The following PDE2A variants were observed in gnomAD, a reference collection of about 807,000 sequenced individuals.
PDE2A encodes the protein cGMP-dependent 3',5'-cyclic phosphodiesterase.
Under a neutral mutation model 133.6 loss-of-function variants are expected in PDE2A, and 53 were observed. That is an observed-to-expected ratio of 0.40 (90% CI 0.32 to 0.50). The LOEUF is 0.50. PDE2A is among the 20% of genes least tolerant of loss of function. The pLI, the probability that PDE2A is intolerant of heterozygous loss-of-function variation, is 0.73. For synonymous variants in PDE2A, 491 were observed against 490.2 expected (o/e 1.00, Z -0.02); for missense variants, 796 against 1,232.4 (o/e 0.65, Z 5.30).
chr11:72,595,320 C>T (rs1428733057), intron 6 of PDE2A, among the ~76,000 whole-genome samples: 2 of 152,228 alleles, frequency 1.3e-5, no homozygotes, highest in Non-Finnish European at 2.9e-5. Flanking sequence ...CTCAGTGCCC[C>T]TCAAAGCTGA....
chr11:72,577,703 T>A, intron 30 of PDE2A, 109 bp from the exon 31 acceptor site: 1 of 765,302 alleles, frequency 1.3e-6, no homozygotes, highest in Non-Finnish European at 2.2e-6. Flanking sequence ...CCAGGTACGG[T>A]AGCTCACGCC....
intron 1 of PDE2A, among the ~76,000 whole-genome samples, chr11:72,648,016 T>C (rs1859175647): frequency 6.6e-6 from 1 of 152,196 alleles, no homozygotes; most frequent in Admixed American, 6.5e-5. Context: ...TGCAGGTATA[T>C]GTGTGCAGTG....
intron 1 of PDE2A, among the ~76,000 whole-genome samples, chr11:72,664,721 A>C (rs1855184458): frequency 6.6e-6 from 1 of 151,588 alleles, no homozygotes. Flanking sequence ...CGCCTCCTTA[A>C]ATAATCATTT....
At chr11:72,613,410 G>C (rs1198051377) in intron 2 of PDE2A, among the ~76,000 whole-genome samples, 1 of 151,618 alleles carries the variant, frequency 6.6e-6, no homozygotes, top group Non-Finnish European at 1.5e-5. Flanking sequence ...TAAAGGGAAG[G>C]GTCCTTCTAG....
At position 72,581,903 on chromosome 11, in the gene PDE2A, G is replaced by A. The variant is rs1304971837; in HGVS notation, c.1896C>T (p.Tyr632=). Residue 632 remains tyrosine, a synonymous_variant, in exon 22 of 31, where the codon TAC becomes TAT. Transcript: ENST00000334456. ...GGGCCAGGGTCGGGCAGTCAATTTT[G>A]TAGTTGTTGATGAAATTCATGTCCT... ...MLQDMNFINN[Y]KIDCPTLARF... The A allele has an allele frequency of 6.2e-7, 1 of 1,614,078 alleles. No homozygotes were observed. The highest frequency in any genetic ancestry group is 8.5e-7 in the Non-Finnish European group (1 of 1,179,984).
intron 2 of PDE2A, among the ~76,000 whole-genome samples, chr11:72,632,050 T>C (rs1483965412): frequency 1.3e-5 from 2 of 152,132 alleles, no homozygotes; most frequent in Non-Finnish European, 2.9e-5. Context: ...GGGAGGGGGA[T>C]GAGACACCCA....
chr11:72,673,398 T>TACACAC (rs10552751), intron 1 of PDE2A, among the ~76,000 whole-genome samples: 58,308 of 148,162 alleles, frequency 0.39, 12,815 homozygotes, highest in Middle Eastern at 0.63. Context: ...TCCACATGTA[T>TACACAC]ACACACACAC....
intron 2 of PDE2A, among the ~76,000 whole-genome samples, chr11:72,622,914 C>G (rs1404195523): frequency 4.6e-5 from 7 of 152,126 alleles, no homozygotes; most frequent in Admixed American, 4.6e-4. Context: ...AGATAGGGGG[C>G]AAGAGAGGAA....
chr11:72,581,265 C>T (rs1218350505), intron 23 of PDE2A, 92 bp downstream of exon 23: 7 of 1,280,840 alleles, frequency 5.5e-6, no homozygotes, highest in East Asian at 4.7e-5. Flanking sequence ...TGAGGCAGTG[C>T]GTGTAAAGTG....
intron 1 of PDE2A, among the ~76,000 whole-genome samples, chr11:72,662,238 G>A (rs924210839): frequency 6.6e-6 from 1 of 152,172 alleles, no homozygotes; most frequent in African/African-American, 2.4e-5. Context: ...AAAGCTGCAG[G>A]GGAGATGCTA....
intron 2 of PDE2A, among the ~76,000 whole-genome samples, chr11:72,637,467 G>A (rs972494274): frequency 1.3e-5 from 2 of 152,256 alleles, no homozygotes; most frequent in African/African-American, 2.4e-5. Context: ...AGTCCTGGAA[G>A]TACACATGTG....
chr11:72,655,070 G>A (rs990915722), intron 1 of PDE2A, among the ~76,000 whole-genome samples: 12 of 152,190 alleles, frequency 7.9e-5, no homozygotes, highest in African/African-American at 2.7e-4. Flanking sequence ...GGGGCTGGCA[G>A]GTGAATGGCA....
chr11:72,580,763 C>A, intron 24 of PDE2A, 123 bp downstream of exon 24: 1 of 957,666 alleles, frequency 1.0e-6, no homozygotes, highest in Non-Finnish European at 1.7e-6. Flanking sequence ...CTGGGGGAAC[C>A]TCCTCCTGTG....
intron 1 of PDE2A, among the ~76,000 whole-genome samples, chr11:72,658,433 C>G (rs1057310754): frequency 3.9e-5 from 6 of 152,120 alleles, no homozygotes; most frequent in African/African-American, 1.4e-4. Context: ...ATGCCAGACT[C>G]CCACCTGTGA....
intron 1 of PDE2A, among the ~76,000 whole-genome samples, chr11:72,673,395 G>GTA (rs1317517212): frequency 1.0e-5 from 1 of 98,482 alleles, no homozygotes; most frequent in Non-Finnish European, 2.3e-5. Flanking sequence ...CATTCCACAT[G>GTA]TATACACACA....
chr11:72,668,310 G>A (rs764845633), intron 1 of PDE2A: 30 of 718,590 alleles, frequency 4.2e-5, no homozygotes, highest in African/African-American at 2.1e-4. Context: ...GTGGGCAAGC[G>A]ATTTCCCCTC....
chr11:72,635,892 T>G, intron 2 of PDE2A: 1 of 892,164 alleles, frequency 1.1e-6, no homozygotes, highest in Admixed American at 3.3e-5. Flanking sequence ...CCTGTCTCCC[T>G]TTGCTCTCAC....
intron 1 of PDE2A, among the ~76,000 whole-genome samples, chr11:72,669,956 T>A (rs969442222): frequency 6.6e-6 from 1 of 152,192 alleles, no homozygotes; most frequent in Non-Finnish European, 1.5e-5. Flanking sequence ...ATCAAGCCTG[T>A]TGGAGACACC....
chr11:72,644,583 T>C (rs1340500610), intron 1 of PDE2A, among the ~76,000 whole-genome samples: 1 of 152,208 alleles, frequency 6.6e-6, no homozygotes, highest in African/African-American at 2.4e-5. Flanking sequence ...TTACAGCCAC[T>C]GGCCAGAGTT....
Sources: allele counts gnomAD v4.1 joint callset (sites outside exome capture counted in the v4.1 genomes callset), GRCh38; gene constraint gnomAD v4.1.1; transcripts MANE v1.5; gene names NCBI Gene and HGNC (gene_info 2026-07-23, HGNC 2026-07-21).